The following EFTUD2 variants were observed in gnomAD, a reference collection of about 807,000 sequenced individuals.
EFTUD2 encodes the protein 116 kDa U5 small nuclear ribonucleoprotein component.
EFTUD2 carries 9 observed loss-of-function variants against 114.3 expected under a neutral mutation model. The ratio of observed to expected loss-of-function variants is 0.08; its 90% CI spans 0.05 to 0.14. The LOEUF is 0.14. EFTUD2 is among the 10% of genes least tolerant of loss of function. The pLI is 1.00. For synonymous variants in EFTUD2, 449 were observed against 462.3 expected, an observed-to-expected ratio of 0.97 and a Z score of 0.37; for missense variants, 765 against 1,241.2, an observed-to-expected ratio of 0.62 and a Z score of 5.76.
intron 25 of EFTUD2, 82 bp downstream of exon 25, chr17:44,853,214 C>T: frequency 6.9e-7 from 1 of 1,450,868 alleles, no homozygotes. Flanking sequence ...GAAGGCCAAC[C>T]TCTCTTCCCT....
rs538293029 is a variant in EFTUD2, at chr17:44,899,408, G to C, written c.-44C>G. ...GCTAAGAGTTCCCAGGCCGCTGCCG[G>C]AGATCGTGCTTCCGCCCCACGCCGA... On this transcript the variant is annotated 5_prime_UTR_variant, in exon 1 of 28. Transcript: ENST00000426333. 6.6e-6 allele frequency: 1 copy of C among 152,496 alleles called. No homozygotes were observed. Among genetic ancestry groups the C allele is most frequent in the East Asian group, 1.9e-4 (1 of 5,186 alleles). The allele number at this position is 152,496 out of a possible 1,614,324, so 9.4% of individuals were successfully genotyped here. A position where few individuals can be genotyped will look rare whatever the true frequency, so the allele number is the denominator to read the frequency against.
chr17:44,863,025 G>T, intron 15 of EFTUD2, 119 bp from the exon 16 acceptor site: 1 of 805,276 alleles, frequency 1.2e-6, no homozygotes, highest in Non-Finnish European at 1.9e-6. Flanking sequence ...GAAAGATGAG[G>T]TAGTCTCATC....
At chr17:44,853,887 T>G in intron 23 of EFTUD2, 1 of 1,386,046 alleles carries the variant, frequency 7.2e-7, no homozygotes, top group Non-Finnish European at 9.3e-7. Context: ...GTTTATTTCC[T>G]TCTTCTGCAC....
At chr17:44,885,360 T>C (rs2051149167) in intron 3 of EFTUD2, 26 bp from the exon 4 acceptor site, 1 of 1,516,558 alleles carries the variant, frequency 6.6e-7, no homozygotes, top group Non-Finnish European at 9.1e-7. Context: ...AAGGTAGTGA[T>C]GTGTAGGTGG....
At chr17:44,896,402 C>T (rs950759426) in intron 1 of EFTUD2, among the ~76,000 whole-genome samples, 1 of 152,222 alleles carries the variant, frequency 6.6e-6, no homozygotes, top group African/African-American at 2.4e-5. Context: ...AATCCCAGCA[C>T]TTTGGCAGGC....
intron 1 of EFTUD2, among the ~76,000 whole-genome samples, chr17:44,897,722 AC>A (rs1378954998): frequency 6.6e-6 from 1 of 151,986 alleles, no homozygotes; most frequent in African/African-American, 2.4e-5. Flanking sequence ...CCGCCATCAC[AC>A]TTGGCTAATT....
Position 44,886,891 on chromosome 17 carries a change from C to T in EFTUD2, c.106-141G>A, listed in dbSNP as rs986422849. ...AGTTCTATGCCAGTGGGGGAGGTTCCACTCCTTTGAGACCCTTCACAAAGA... is the reference window on the plus strand; with the variant it reads ...AGTTCTATGCCAGTGGGGGAGGTTCTACTCCTTTGAGACCCTTCACAAAGA... On this transcript the variant is annotated intron_variant, in intron 2 of 27. Transcript: ENST00000426333. 2.1e-6 allele frequency: 3 copies of T among 1,405,650 alleles called. No homozygotes were observed. The African/African-American group carries it at 4.3e-5, about 20-fold the overall frequency. The allele number at this position is 1,405,650 out of a possible 1,614,324, so 87.1% of individuals were successfully genotyped here.
chr17:44,892,519 G>A (rs968936518), intron 2 of EFTUD2, among the ~76,000 whole-genome samples: 1 of 151,984 alleles, frequency 6.6e-6, no homozygotes, highest in Non-Finnish European at 1.5e-5. Flanking sequence ...AGGTTAACTG[G>A]GGAAGAAGAG....
intron 13 of EFTUD2, among the ~76,000 whole-genome samples, chr17:44,865,651 G>A (rs1381434695): frequency 6.6e-6 from 1 of 151,966 alleles, no homozygotes; most frequent in Non-Finnish European, 1.5e-5. Flanking sequence ...TTTGTCCACC[G>A]GAATGGCCAC....
intron 10 of EFTUD2, among the ~76,000 whole-genome samples, chr17:44,873,985 C>T (rs1027491452): frequency 4.0e-4 from 59 of 148,376 alleles, no homozygotes; most frequent in African/African-American, 1.3e-3. Flanking sequence ...CCGCCCGCCT[C>T]GGCCTCCCAA....
At chr17:44,863,137 T>C (rs1294149013) in intron 15 of EFTUD2, 1 of 411,140 alleles carries the variant, frequency 2.4e-6, no homozygotes, top group Non-Finnish European at 4.3e-6. Flanking sequence ...GATAAGGGCA[T>C]TGAGGAAGAG....
intron 9 of EFTUD2, 125 bp from the exon 10 acceptor site, chr17:44,876,225 T>C (rs1198210897): frequency 4.4e-6 from 5 of 1,138,810 alleles, no homozygotes; most frequent in Non-Finnish European, 4.8e-6. Context: ...TCGGGAAATA[T>C]TACTGGGTGG....
At chr17:44,861,375 G>A (rs2050656026) in intron 16 of EFTUD2, among the ~76,000 whole-genome samples, 1 of 150,744 alleles carries the variant, frequency 6.6e-6, no homozygotes, top group South Asian at 2.1e-4. Flanking sequence ...AACCCGGGAG[G>A]CAGAGGTTGC....
At chr17:44,872,317 G>A in intron 11 of EFTUD2, 129 bp downstream of exon 11, 1 of 1,250,342 alleles carries the variant, frequency 8.0e-7, no homozygotes, top group Admixed American at 1.9e-5. Flanking sequence ...CCCCAAATGT[G>A]ATAATAACAG....
chr17:44,883,451 G>A, intron 5 of EFTUD2, 198 bp downstream of exon 5: 1 of 620,632 alleles, frequency 1.6e-6, no homozygotes, highest in Non-Finnish European at 2.8e-6. Flanking sequence ...GCATGCAAGT[G>A]GCTTAGGAAC....
At position 44,879,583 on chromosome 17, in the gene EFTUD2, C is replaced by A; in HGVS notation, c.675G>T (p.Val225=). The stretch of plus-strand genomic sequence containing the variant: ...CCTCAGCAGCATCAATGAAAAGGAC[C>A]ACTCCATCTGAGATGCGCAAGCCAG... ...VTAGLRISDG[V]VLFIDAAEGV... is the part of the protein sequence containing the mutation. The change falls in exon 9 of 28, where the codon GTG becomes GTT. Residue 225 remains valine, a synonymous_variant. Transcript: ENST00000426333. 1 of 1,613,978 alleles carries A rather than the reference C, an allele frequency of 6.2e-7. No homozygotes were observed. The highest frequency in any genetic ancestry group is 2.2e-5 in the East Asian group (1 of 44,872).
rs1431489250 is a variant in EFTUD2, at chr17:44,850,989, A to C, written c.*285T>G. On this transcript the variant is annotated 3_prime_UTR_variant, in exon 28 of 28. Transcript: ENST00000426333. ...AAAATAAAATTCCATGTAAATCCCA[A>C]AGATAGGGCCCCTTGGGGTTTCATC... is the stretch of plus-strand genomic sequence containing the variant. 2.4e-6 allele frequency: 1 copy of C among 419,040 alleles called. No individual in the cohort carries two copies. The highest frequency in any genetic ancestry group is 2.0e-5 in the African/African-American group (1 of 50,416). 26.0% of individuals were successfully genotyped at this position (419,040 alleles called of 1,614,324 possible). A position where few individuals can be genotyped will look rare whatever the true frequency, so the allele number is the denominator to read the frequency against.
intron 14 of EFTUD2, chr17:44,864,158 C>T (rs1487337437): frequency 5.5e-6 from 1 of 182,138 alleles, no homozygotes; most frequent in African/African-American, 2.4e-5. Context: ...CCTTGAGAAA[C>T]ACTGCATGCA....
In EFTUD2 at chr17:44,887,679, T is replaced by G. The variant is rs555107690; in HGVS notation, c.106-929A>C. 4.5e-3 allele frequency among the ~76,000 whole-genome samples: 689 copies of G among 152,024 alleles called. 7 individuals carry two copies. Among genetic ancestry groups the G allele is most frequent in the African/African-American group, 0.016 (676 of 41,424 alleles). On this transcript the variant is annotated intron_variant, in intron 2 of 27. Transcript: ENST00000426333. Reference sequence around the variant, plus strand: ...GATTGCCCAGGGCTGGCAGGGTAGGTGTGGGTGGGAGGACAATGGGTAAGG... The same window carrying G: ...GATTGCCCAGGGCTGGCAGGGTAGGGGTGGGTGGGAGGACAATGGGTAAGG...
Sources: allele counts gnomAD v4.1 joint callset (sites outside exome capture counted in the v4.1 genomes callset), GRCh38; gene constraint gnomAD v4.1.1; transcripts MANE v1.5; gene names NCBI Gene and HGNC (gene_info 2026-07-23, HGNC 2026-07-21).